ST18: variants seen among roughly 807,000 people sequenced by gnomAD.
The protein encoded by ST18 is ST18 C2H2C-type zinc finger transcription factor, also known as suppression of tumorigenicity 18 protein.
In ST18, 50 loss-of-function variants were observed where a neutral mutation model predicts 110.0. That is an observed-to-expected ratio of 0.45 (90% CI 0.36 to 0.58). ST18 has a LOEUF of 0.58. Among genes scored for constraint, ST18 ranks in the 20% least tolerant of loss-of-function variants. The pLI is 0.00. For missense variants in ST18, 1,306 were observed against 1,280.1 expected (o/e 1.02, Z -0.31); for synonymous variants, 461 against 452.4 (o/e 1.02, Z -0.24).
At chr8:52,162,723 A>G (rs2061788620) in intron 13 of ST18, among the ~76,000 whole-genome samples, 1 of 152,232 alleles carries the variant, frequency 6.6e-6, no homozygotes, top group African/African-American at 2.4e-5. Context: ...CACTGATTCC[A>G]GCCAAATAAA....
intron 2 of ST18, among the ~76,000 whole-genome samples, chr8:52,326,161 G>A (rs1335122909): frequency 6.6e-6 from 1 of 152,150 alleles, no homozygotes; most frequent in Non-Finnish European, 1.5e-5. Context: ...TTCTAACAGT[G>A]GAGTATAAAT....
In ST18 at chr8:52,166,244, G is replaced by T. The variant is rs1043244732; in HGVS notation, c.1204+608C>A. On this transcript the variant is annotated intron_variant, in intron 11 of 25. Transcript: ENST00000689386. ...TCTGGGGCCTTGCTAACTCTGGAGG[G>T]ACTGCCCCTCCCAGGCTAGCCAATT... 2.9e-4 allele frequency among the ~76,000 whole-genome samples: 44 copies of T among 152,136 alleles called. 1 individual carries two copies. The highest frequency in any genetic ancestry group is 4.4e-5 in the Non-Finnish European group (3 of 68,022).
chr8:52,361,526 T>A lies in ST18; in HGVS notation c.-465+47802A>T, dbSNP rs1440431036. On this transcript the variant is annotated intron_variant, in intron 2 of 25. Coordinates refer to ENST00000689386, the MANE Select transcript of ST18 (RefSeq NM_001352837.2). ...AGCTGAAAAATATGTCATGGAGAAT[T>A]TACCATTTAAATGGGATGACATTTA... is the stretch of plus-strand genomic sequence containing the variant. Among the ~76,000 whole-genome samples the A allele has an allele frequency of 2.6e-5, 4 of 152,192 alleles. No individual in the cohort carries two copies. In the East Asian group the frequency reaches 7.7e-4, roughly 29 times the overall value.
chr8:52,227,917 C>A (rs577221402), intron 3 of ST18, among the ~76,000 whole-genome samples: 1 of 152,220 alleles, frequency 6.6e-6, no homozygotes, highest in Admixed American at 6.5e-5. Flanking sequence ...TTTGATGCAA[C>A]ATAATTTTGT....
chr8:52,296,226 G>A (rs1412379297), intron 2 of ST18: 1 of 152,192 alleles, frequency 6.6e-6, no homozygotes, highest in African/African-American at 2.4e-5. Context: ...AAATAACAAT[G>A]ACTTCTTGGT....
At chr8:52,165,517 C>T (rs1018355792) in intron 11 of ST18, among the ~76,000 whole-genome samples, 2 of 152,204 alleles carry the variant, frequency 1.3e-5, no homozygotes, top group Admixed American at 1.3e-4. Context: ...CTTCCCATCA[C>T]CTGAATGTGA....
chr8:52,343,939 T>A lies in ST18; in HGVS notation c.-465+65389A>T, dbSNP rs568813019. Among the ~76,000 whole-genome samples the A allele has an allele frequency of 2.6e-5, 4 of 152,332 alleles. No homozygotes were observed. The South Asian group carries it at 8.3e-4, about 32-fold the overall frequency. ...CTAACATAAACACACAGTGTGGCTATGCTAATAAAGTATTTTCAAGCAGCA... is the reference window on the plus strand; with the variant it reads ...CTAACATAAACACACAGTGTGGCTAAGCTAATAAAGTATTTTCAAGCAGCA... On this transcript the variant is annotated intron_variant, in intron 2 of 25. Coordinates refer to ENST00000689386, the MANE Select transcript of ST18 (RefSeq NM_001352837.2).
rs991116216 is a variant in ST18 at position 52,243,049 on chromosome 8, T to C, written c.-464-12972A>G. Among the ~76,000 whole-genome samples the C allele has an allele frequency of 1.2e-4, 19 of 152,136 alleles. 1 individual carries two copies. Among genetic ancestry groups the C allele is most frequent in the African/African-American group, 4.6e-4 (19 of 41,418 alleles). On this transcript the variant is annotated intron_variant, in intron 2 of 25. Coordinates refer to ENST00000689386, the MANE Select transcript of ST18 (RefSeq NM_001352837.2). ...CTCACAGAGCTAAGATTTCTAGCTA[T>C]TTGGCCAAATGTTGAACCTTCGATC...
chr8:52,198,613 G>A (rs1395784369), intron 8 of ST18, among the ~76,000 whole-genome samples: 1 of 152,130 alleles, frequency 6.6e-6, no homozygotes, highest in African/African-American at 2.4e-5. Flanking sequence ...TACTGAGTTA[G>A]CAGGGATCAC....
At chr8:52,363,403 C>T (rs1372785280) in intron 2 of ST18, among the ~76,000 whole-genome samples, 25 of 152,082 alleles carry the variant, frequency 1.6e-4, no homozygotes, top group Non-Finnish European at 7.4e-5. Context: ...TCCTTTTAGT[C>T]TTTCACATGT....
intron 3 of ST18, among the ~76,000 whole-genome samples, chr8:52,223,962 T>TA (rs1357040475): frequency 4.6e-5 from 7 of 152,262 alleles, no homozygotes; most frequent in Non-Finnish European, 8.8e-5. Context: ...TAAGTAAACA[T>TA]AAAAATTTTA....
chr8:52,199,230 A>T (rs2077169595), intron 8 of ST18: 1 of 152,116 alleles, frequency 6.6e-6, no homozygotes, highest in African/African-American at 2.4e-5. Context: ...CATCTAGACA[A>T]CATGGACAGT....
Position 52,172,249 on chromosome 8 carries a change from G to A in ST18, c.612C>T (p.Asp204=), listed in dbSNP as rs757541972. ...TTTCTTCTGAGAAGTTGGAGCCACT[G>A]TCCCAGCCATTTTCTGCACTTTCAG... ...SNSESAENGW[D]SGSNFSEETK... The change falls in exon 10 of 26, where the codon GAC becomes GAT. Residue 204 remains aspartate (D), a synonymous_variant. Transcript: ENST00000689386. The A allele has an allele frequency of 3.7e-6, 6 of 1,614,202 alleles. No homozygotes were observed. Among genetic ancestry groups the A allele is most frequent in the Non-Finnish European group, 5.1e-6 (6 of 1,180,038 alleles).
chr8:52,137,331 C>T, intron 18 of ST18, 90 bp downstream of exon 18: 1 of 1,347,364 alleles, frequency 7.4e-7, no homozygotes, highest in Non-Finnish European at 1.0e-6. Context: ...TTTCCTGCTT[C>T]AGATAATACA....
chr8:52,217,395 A>G (rs936394014), intron 6 of ST18, among the ~76,000 whole-genome samples: 23 of 152,268 alleles, frequency 1.5e-4, no homozygotes, highest in Non-Finnish European at 2.6e-4. Flanking sequence ...AAAAAAGTTC[A>G]GTTTAAATGA....
chr8:52,170,862 T>TATA (rs2064696503), intron 10 of ST18, among the ~76,000 whole-genome samples: 1 of 152,188 alleles, frequency 6.6e-6, no homozygotes, highest in Non-Finnish European at 1.5e-5. Context: ...TGACAAAATA[T>TATA]ATAATTTGTT....
rs184156934 is a variant in ST18 at position 52,128,551 on chromosome 8, G to C, written c.2667-2411C>G. Among the ~76,000 whole-genome samples, 133 of 152,248 alleles carry C rather than the reference G, an allele frequency of 8.7e-4. No homozygotes were observed. In the East Asian group the frequency reaches 0.011, roughly 13 times the overall value. ...CACATAGAGATTTAAAGCAAGGTTT[G>C]AAGGTAGTTATTATATAAATATAAT... is the stretch of plus-strand genomic sequence containing the variant. On this transcript the variant is annotated intron_variant, in intron 22 of 25. Coordinates refer to ENST00000689386, the MANE Select transcript of ST18 (RefSeq NM_001352837.2).
intron 2 of ST18, among the ~76,000 whole-genome samples, chr8:52,326,543 G>A (rs1806510510): frequency 6.6e-6 from 1 of 152,112 alleles, no homozygotes; most frequent in African/African-American, 2.4e-5. Flanking sequence ...AGGCAGGTGA[G>A]GCTATAGGCA....
At chr8:52,361,119 C>T (rs1281038327) in intron 2 of ST18, among the ~76,000 whole-genome samples, 5 of 152,084 alleles carry the variant, frequency 3.3e-5, no homozygotes, top group African/African-American at 9.6e-5. Context: ...AATATTTCAC[C>T]GTAGTATATT....
Sources: allele counts gnomAD v4.1 joint callset (sites outside exome capture counted in the v4.1 genomes callset), GRCh38; gene constraint gnomAD v4.1.1; transcripts MANE v1.5; gene names NCBI Gene and HGNC (gene_info 2026-07-23, HGNC 2026-07-21).